The following ATRNL1 variants were observed in gnomAD, a reference collection of about 807,000 sequenced individuals.
ATRNL1 encodes the protein attractin-like protein 1.
ATRNL1 carries 95 observed loss-of-function variants against 182.7 expected under a neutral mutation model. The ratio of observed to expected loss-of-function variants is 0.52; its 90% confidence interval spans 0.44 to 0.62. The LOEUF (loss-of-function observed/expected upper bound fraction) is 0.62. Ranked by LOEUF, ATRNL1 falls within the 20% of genes least tolerant of loss-of-function variation. ATRNL1 has a pLI of 0.00. For synonymous variants in ATRNL1, 576 were observed against 568.3 expected, an observed-to-expected ratio of 1.01 and a Z score of -0.19; for missense variants, 1,471 against 1,679.5, an observed-to-expected ratio of 0.88 and a Z score of 2.17.
chr10:115,784,633 G>A (rs1308165732), intron 27 of ATRNL1, among the ~76,000 whole-genome samples: 1 of 152,158 alleles, frequency 6.6e-6, no homozygotes, highest in Non-Finnish European at 1.5e-5. Flanking sequence ...GGCTCTGAGG[G>A]AGAAACCATC....
At chr10:115,280,435 A>G (rs1170555292) in intron 13 of ATRNL1, among the ~76,000 whole-genome samples, 2 of 152,372 alleles carry the variant, frequency 1.3e-5, no homozygotes, top group East Asian at 3.9e-4. Flanking sequence ...ATGGTGACTA[A>G]GGAAAGAAGT....
At chr10:115,596,927 T>G (rs1292705149) in intron 26 of ATRNL1, among the ~76,000 whole-genome samples, 2 of 152,140 alleles carry the variant, frequency 1.3e-5, no homozygotes, top group African/African-American at 4.8e-5. Flanking sequence ...ATAATTGATT[T>G]ATAATGTTAC....
intron 21 of ATRNL1, among the ~76,000 whole-genome samples, chr10:115,448,337 A>G (rs1247346150): frequency 6.6e-6 from 1 of 152,182 alleles, no homozygotes; most frequent in African/African-American, 2.4e-5. Flanking sequence ...TGAAATCATA[A>G]CAAACACACT....
At chr10:115,469,658 A>G (rs1848213757) in intron 24 of ATRNL1, among the ~76,000 whole-genome samples, 1 of 150,612 alleles carries the variant, frequency 6.6e-6, no homozygotes, top group Non-Finnish European at 1.5e-5. Flanking sequence ...CCCCACTTGA[A>G]ATTATTTTCC....
At chr10:115,237,881 C>T (rs116116950) in intron 9 of ATRNL1, among the ~76,000 whole-genome samples, 1,689 of 152,196 alleles carry the variant, frequency 0.011, 29 homozygotes, top group African/African-American at 0.038. Flanking sequence ...TTTAGCTCTG[C>T]GATCTATTCT....
At chr10:115,827,346 G>T (rs1254839505) in intron 27 of ATRNL1, among the ~76,000 whole-genome samples, 1 of 152,210 alleles carries the variant, frequency 6.6e-6, no homozygotes, top group East Asian at 1.9e-4. Flanking sequence ...ACATTGGCTT[G>T]TGTGCTGGGA....
At chr10:115,142,533 T>A (rs552050870) in intron 5 of ATRNL1, among the ~76,000 whole-genome samples, 1 of 152,304 alleles carries the variant, frequency 6.6e-6, no homozygotes, top group South Asian at 2.1e-4. Flanking sequence ...AGCTAAATAT[T>A]CTTAGCTTTG....
chr10:115,388,158 T>C (rs1411068568), intron 19 of ATRNL1, among the ~76,000 whole-genome samples: 2 of 152,198 alleles, frequency 1.3e-5, no homozygotes, highest in Admixed American at 1.3e-4. Context: ...GATTATTTTC[T>C]TTAGGCCTTT....
chr10:115,673,590 A>G (rs1555042083), intron 26 of ATRNL1, among the ~76,000 whole-genome samples: 1 of 152,136 alleles, frequency 6.6e-6, no homozygotes, highest in East Asian at 1.9e-4. Context: ...GTTAAGTTCA[A>G]GAACTATATG....
At chr10:115,917,221 A>G (rs1722317488) in intron 28 of ATRNL1, among the ~76,000 whole-genome samples, 1 of 151,992 alleles carries the variant, frequency 6.6e-6, no homozygotes, top group Non-Finnish European at 1.5e-5. Context: ...CTGTAATCCC[A>G]GCGCTTTGGG....
At chr10:115,202,208 T>C (rs1241998870) in intron 8 of ATRNL1, among the ~76,000 whole-genome samples, 21 of 151,998 alleles carry the variant, frequency 1.4e-4, no homozygotes, top group Non-Finnish European at 2.6e-4. Context: ...CTTTTCCTAA[T>C]TGAATACCCT....
rs545180787 is a variant in ATRNL1 at position 115,887,289 on chromosome 10, A to G, written c.4018+39298A>G. Among the ~76,000 whole-genome samples the G allele has an allele frequency of 1.2e-3, 173 of 145,156 alleles. 2 individuals carry two copies. The highest frequency in any genetic ancestry group is 6.4e-3 in the South Asian group (31 of 4,826). ...GTTTGTCTTAGTTTTGGGAGCTGCT[A>G]TTACAAAATATTACAAAATATCATA... On this transcript the variant is annotated intron_variant, in intron 28 of 28. Transcript: ENST00000355044.
chr10:115,624,360 G>T (rs1045508429), intron 26 of ATRNL1, among the ~76,000 whole-genome samples: 1 of 151,984 alleles, frequency 6.6e-6, no homozygotes, highest in Non-Finnish European at 1.5e-5. Context: ...GTCCTCTTAA[G>T]AATCAGTTTT....
At chr10:115,184,838 T>G (rs1446230348) in intron 8 of ATRNL1, among the ~76,000 whole-genome samples, 1 of 151,942 alleles carries the variant, frequency 6.6e-6, no homozygotes, top group Non-Finnish European at 1.5e-5. Context: ...AAAGAACTAA[T>G]GCAAGTGATT....
chr10:115,098,478 T>C, intron 1 of ATRNL1, among the ~76,000 whole-genome samples: 1 of 128,400 alleles, frequency 7.8e-6, no homozygotes, highest in African/African-American at 3.0e-5. Context: ...TTTTTTTTTT[T>C]TGAGACCGAG....
chr10:115,145,432 A>C (rs1845931725), intron 5 of ATRNL1, among the ~76,000 whole-genome samples: 1 of 152,194 alleles, frequency 6.6e-6, no homozygotes, highest in African/African-American at 2.4e-5. Context: ...CGAAACTGTA[A>C]GAGCCAAGTA....
At chr10:115,175,485 C>T (rs11197101) in intron 8 of ATRNL1, among the ~76,000 whole-genome samples, 1,998 of 152,070 alleles carry the variant, frequency 0.013, 41 homozygotes, top group African/African-American at 0.046. Flanking sequence ...AACCAAAATA[C>T]TATGTCTAAA....
chr10:115,669,735 T>C (rs1172022361), intron 26 of ATRNL1, among the ~76,000 whole-genome samples: 3 of 152,126 alleles, frequency 2.0e-5, no homozygotes, highest in Non-Finnish European at 2.9e-5. Context: ...AAAATTGATA[T>C]TCTAGTAGGG....
At position 115,781,979 on chromosome 10, in the gene ATRNL1, G is replaced by A. The variant is rs530715677; in HGVS notation, c.3903+54624G>A. On this transcript the variant is annotated intron_variant, in intron 27 of 28. Transcript: ENST00000355044. The stretch of plus-strand genomic sequence containing the variant: ...TTTGCCCTGAATGATAATTCCTGTC[G>A]CTCCATGGATATATTTAGATAATTT... Among the ~76,000 whole-genome samples the A allele has an allele frequency of 8.5e-5, 13 of 152,052 alleles. No homozygotes were observed. In the South Asian group the frequency reaches 1.3e-3, roughly 15 times the overall value.
Sources: allele counts gnomAD v4.1 joint callset (sites outside exome capture counted in the v4.1 genomes callset), GRCh38; gene constraint gnomAD v4.1.1; transcripts MANE v1.5; gene names NCBI Gene and HGNC (gene_info 2026-07-23, HGNC 2026-07-21).